The following ACOXL variants were observed in gnomAD, a reference collection of about 807,000 sequenced individuals.
ACOXL encodes the protein acyl-CoA oxidase like, also known as acyl-coenzyme A oxidase-like protein.
In ACOXL, 70 loss-of-function variants were observed where a neutral mutation model predicts 71.9. That is an observed-to-expected ratio of 0.97 (90% confidence interval 0.80 to 1.19). The LOEUF (loss-of-function observed/expected upper bound fraction) is 1.19. Among genes scored for constraint, ACOXL ranks in the 50% most tolerant of loss-of-function variants. ACOXL has a pLI of 0.00. For synonymous variants in ACOXL, 253 were observed against 281.6 expected (o/e 0.90, Z 1.02); for missense variants, 703 against 736.3 (o/e 0.95, Z 0.52).
intron 9 of ACOXL, among the ~76,000 whole-genome samples, chr2:110,807,175 G>A (rs1424225064): frequency 6.6e-6 from 1 of 152,208 alleles, no homozygotes; most frequent in Non-Finnish European, 1.5e-5. Context: ...TCGTGGGCAG[G>A]AAAGCCCTGG....
At chr2:110,914,691 G>A (rs1267940162) in intron 11 of ACOXL, among the ~76,000 whole-genome samples, 1 of 152,006 alleles carries the variant, frequency 6.6e-6, no homozygotes, top group African/African-American at 2.4e-5. Flanking sequence ...TATTACACTG[G>A]ACAAAACCTT....
chr2:110,991,887 T>A (rs561262938), intron 13 of ACOXL, among the ~76,000 whole-genome samples: 1 of 152,300 alleles, frequency 6.6e-6, no homozygotes, highest in East Asian at 1.9e-4. Context: ...TACAGTATGG[T>A]TAGCTTTTTC....
intron 16 of ACOXL, 143 bp from the exon 17 acceptor site, chr2:111,092,722 T>C: frequency 1.6e-6 from 1 of 613,674 alleles, no homozygotes; most frequent in Non-Finnish European, 2.9e-6. Flanking sequence ...ATCCAAAACA[T>C]GGCCATTTTA....
chr2:110,984,826 G>T (rs1461517039), intron 12 of ACOXL, among the ~76,000 whole-genome samples: 1 of 152,224 alleles, frequency 6.6e-6, no homozygotes, highest in African/African-American at 2.4e-5. Context: ...TTACTCAAGG[G>T]TGAGTCCTCG....
intron 13 of ACOXL, among the ~76,000 whole-genome samples, chr2:110,990,947 CT>C (rs746807808): frequency 6.6e-6 from 1 of 152,038 alleles, no homozygotes; most frequent in Non-Finnish European, 1.5e-5. Flanking sequence ...GTTTTCCATT[CT>C]TGTACATGCC....
chr2:110,945,362 C>CTTT (rs35191683), intron 12 of ACOXL, among the ~76,000 whole-genome samples: 2 of 133,278 alleles, frequency 1.5e-5, no homozygotes, highest in Admixed American at 7.5e-5. Flanking sequence ...CATTTGTCAA[C>CTTT]TTTTTTTTTT....
At chr2:110,845,863 C>A (rs780457966) in intron 10 of ACOXL, among the ~76,000 whole-genome samples, 9 of 152,178 alleles carry the variant, frequency 5.9e-5, no homozygotes, top group Non-Finnish European at 1.2e-4. Context: ...TCCACCTCTT[C>A]GCCACTGTGA....
chr2:111,024,823 G>A (rs925861796), intron 14 of ACOXL, among the ~76,000 whole-genome samples: 2 of 151,524 alleles, frequency 1.3e-5, no homozygotes, highest in African/African-American at 2.4e-5. Context: ...TAACCCTAGC[G>A]GCTAGGGAGT....
At chr2:111,077,982 T>C (rs2067689703) in intron 16 of ACOXL, among the ~76,000 whole-genome samples, 1 of 152,222 alleles carries the variant, frequency 6.6e-6, no homozygotes, top group Non-Finnish European at 1.5e-5. Flanking sequence ...TCTTTTGACA[T>C]TATATCTTCA....
At chr2:110,880,149 C>CA (rs1553411834) in intron 10 of ACOXL, among the ~76,000 whole-genome samples, 13 of 18,780 alleles carry the variant, frequency 6.9e-4, no homozygotes, top group Non-Finnish European at 1.1e-3. Context: ...GACTCTGTCA[C>CA]AAACAAAAAA....
chr2:111,116,471 C>T (rs184032730), intron 17 of ACOXL, among the ~76,000 whole-genome samples: 3 of 152,248 alleles, frequency 2.0e-5, no homozygotes, highest in Non-Finnish European at 4.4e-5. Context: ...CCACCTTCCT[C>T]CTTGGGACCT....
At chr2:110,882,138 T>C (rs1329246908) in intron 10 of ACOXL, among the ~76,000 whole-genome samples, 1 of 152,202 alleles carries the variant, frequency 6.6e-6, no homozygotes, top group Admixed American at 6.5e-5. Flanking sequence ...CTTAGCGTGG[T>C]CAGTCTTTTC....
At chr2:110,886,941 A>G in intron 10 of ACOXL, 4 of 1,460,212 alleles carry the variant, frequency 2.7e-6, no homozygotes, top group Non-Finnish European at 3.7e-6. Flanking sequence ...CCCGTGGCAG[A>G]TCCCTATAGG....
chr2:110,814,216 C>T (rs1687663214), intron 9 of ACOXL, among the ~76,000 whole-genome samples: 1 of 152,172 alleles, frequency 6.6e-6, no homozygotes. Context: ...GAATCCAGGC[C>T]TCCTTCTCCA....
chr2:110,865,590 A>T (rs549256810), intron 10 of ACOXL, among the ~76,000 whole-genome samples: 1 of 152,080 alleles, frequency 6.6e-6, no homozygotes, highest in African/African-American at 2.4e-5. Flanking sequence ...TCTATTTTTA[A>T]ATTTTGTTTT....
intron 10 of ACOXL, among the ~76,000 whole-genome samples, chr2:110,902,201 T>C (rs1242210431): frequency 6.6e-6 from 1 of 151,928 alleles, no homozygotes; most frequent in African/African-American, 2.4e-5. Context: ...CTGGGCACAG[T>C]GGCTACACCT....
intron 3 of ACOXL, among the ~76,000 whole-genome samples, chr2:110,787,635 A>G (rs552482444): frequency 1.3e-5 from 2 of 151,970 alleles, no homozygotes; most frequent in South Asian, 4.2e-4. Context: ...CTTTAGAAAC[A>G]TCCTCTAATC....
chr2:110,800,999 A>G (rs982629898), intron 7 of ACOXL, among the ~76,000 whole-genome samples: 2 of 152,144 alleles, frequency 1.3e-5, no homozygotes, highest in Admixed American at 6.5e-5. Flanking sequence ...AAATAAAGAC[A>G]TTTACTAAAG....
intron 14 of ACOXL, among the ~76,000 whole-genome samples, chr2:111,019,772 G>T (rs754884475): frequency 2.6e-5 from 4 of 152,226 alleles, no homozygotes; most frequent in African/African-American, 7.2e-5. Flanking sequence ...GGCAGGCCCC[G>T]CAACTGCCGT....
Sources: allele counts gnomAD v4.1 joint callset (sites outside exome capture counted in the v4.1 genomes callset), GRCh38; gene constraint gnomAD v4.1.1; transcripts MANE v1.5; gene names NCBI Gene and HGNC (gene_info 2026-07-23, HGNC 2026-07-21).